Variants in RHOJ observed in about 807,000 individuals in gnomAD.
The protein encoded by RHOJ is ras homolog family member J, also known as rho-related GTP-binding protein RhoJ.
RHOJ carries 11 observed loss-of-function variants against 23.4 expected under a neutral mutation model. The observed-to-expected ratio is 0.47, with a 90% CI of 0.30 to 0.78. The LOEUF is 0.78. Ranked by LOEUF, RHOJ falls within the 30% of genes least tolerant of loss-of-function variation. RHOJ has a pLI of 0.08. For synonymous variants in RHOJ, 102 were observed against 102.7 expected, an observed-to-expected ratio of 0.99 and a Z score of 0.04; for missense variants, 254 against 273.4, an observed-to-expected ratio of 0.93 and a Z score of 0.50.
intron 1 of RHOJ, among the ~76,000 whole-genome samples, chr14:63,225,778 T>G (rs1465284936): frequency 6.6e-6 from 1 of 152,202 alleles, no homozygotes; most frequent in East Asian, 1.9e-4. Flanking sequence ...AATATACTTT[T>G]TTTTGAAGGC....
intron 1 of RHOJ, among the ~76,000 whole-genome samples, chr14:63,247,244 C>T (rs77933286): frequency 2.0e-5 from 3 of 152,280 alleles, no homozygotes; most frequent in East Asian, 1.9e-4. Context: ...GCTCTTTTGA[C>T]CCTCAACAAG....
chr14:63,230,791 C>T (rs1221983883), intron 1 of RHOJ, among the ~76,000 whole-genome samples: 1 of 149,038 alleles, frequency 6.7e-6, no homozygotes, highest in Non-Finnish European at 1.5e-5. Flanking sequence ...AATTCCTGCA[C>T]TCAATAAATA....
chr14:63,254,528 A>G (rs1895128722), intron 1 of RHOJ, among the ~76,000 whole-genome samples: 1 of 152,186 alleles, frequency 6.6e-6, no homozygotes, highest in African/African-American at 2.4e-5. Context: ...TGGGCCTTAG[A>G]GGCTTCTCTT....
At chr14:63,232,694 CTT>C (rs373918863) in intron 1 of RHOJ, among the ~76,000 whole-genome samples, 127 of 115,602 alleles carry the variant, frequency 1.1e-3, no homozygotes, top group African/African-American at 3.5e-3. Context: ...TTTTTCTTGC[CTT>C]TTTTTTTTTT....
At chr14:63,245,357 T>C (rs1466969517) in intron 1 of RHOJ, among the ~76,000 whole-genome samples, 1 of 151,804 alleles carries the variant, frequency 6.6e-6, no homozygotes, top group Admixed American at 6.6e-5. Flanking sequence ...ATTTAAAAAA[T>C]TCTCTTGGCC....
chr14:63,255,666 T>A (rs2139644623), intron 1 of RHOJ, among the ~76,000 whole-genome samples: 1 of 146,272 alleles, frequency 6.8e-6, no homozygotes, highest in Non-Finnish European at 1.5e-5. Context: ...CTTGCCGCCC[T>A]GTCTCACACT....
intron 1 of RHOJ, among the ~76,000 whole-genome samples, chr14:63,249,954 C>T (rs941494781): frequency 6.6e-6 from 1 of 152,158 alleles, no homozygotes; most frequent in Admixed American, 6.5e-5. Context: ...AATTTAAATG[C>T]TGTAGCCAGT....
At chr14:63,219,641 C>A (rs1291663758) in intron 1 of RHOJ, among the ~76,000 whole-genome samples, 3 of 152,030 alleles carry the variant, frequency 2.0e-5, no homozygotes, top group Non-Finnish European at 4.4e-5. Flanking sequence ...CATGGTGAAA[C>A]CCTGTCTCTA....
chr14:63,228,413 T>C (rs1375156373), intron 1 of RHOJ, among the ~76,000 whole-genome samples: 3 of 152,188 alleles, frequency 2.0e-5, no homozygotes, highest in African/African-American at 7.2e-5. Context: ...GCAGCGTTGT[T>C]TGTAATAGCA....
At chr14:63,262,523 C>G (rs1895290392) in intron 1 of RHOJ, among the ~76,000 whole-genome samples, 1 of 152,188 alleles carries the variant, frequency 6.6e-6, no homozygotes, top group Non-Finnish European at 1.5e-5. Context: ...GAGCCATTAG[C>G]AGGTCATTTG....
chr14:63,250,964 G>A (rs1417566130), intron 1 of RHOJ, among the ~76,000 whole-genome samples: 2 of 152,174 alleles, frequency 1.3e-5, no homozygotes, highest in African/African-American at 4.8e-5. Context: ...GAACCTGAGA[G>A]GGAGTGGCTG....
chr14:63,219,814 CAAAA>C (rs35915504), intron 1 of RHOJ, among the ~76,000 whole-genome samples: 5 of 129,696 alleles, frequency 3.9e-5, no homozygotes, highest in Admixed American at 7.6e-5. Flanking sequence ...GATTGCATCT[CAAAA>C]AAAAAAAAAA....
chr14:63,280,895 C>A, intron 2 of RHOJ, 76 bp from the exon 3 acceptor site: 1 of 1,417,070 alleles, frequency 7.1e-7, no homozygotes, highest in Non-Finnish European at 9.6e-7. Flanking sequence ...TGGACTCTTA[C>A]CTGAAATCTG....
chr14:63,285,061 CTT>C (rs1243245509), intron 4 of RHOJ, among the ~76,000 whole-genome samples: 211 of 152,308 alleles, frequency 1.4e-3, no homozygotes, highest in African/African-American at 4.9e-3. Context: ...TATAGAGATG[CTT>C]TAAGTTTCTC....
rs116352412 is a variant in RHOJ, at chr14:63,247,511, G to T, written c.179-21599G>T. On this transcript the variant is annotated intron_variant, in intron 1 of 4. Transcript: ENST00000316754. ...AAGAAACTATAATCTTAGAAGAAAT[G>T]ATGGACATTTTCATTGTAAATTCTC... is the stretch of plus-strand genomic sequence containing the variant. 8.4e-3 allele frequency among the ~76,000 whole-genome samples: 1,274 copies of T among 152,218 alleles called. 14 individuals carry two copies. The highest frequency in any genetic ancestry group is 0.029 in the African/African-American group (1,215 of 41,522).
chr14:63,280,805 G>T (rs1320497389), intron 2 of RHOJ, among the ~76,000 whole-genome samples, 166 bp from the exon 3 acceptor site: 7 of 152,302 alleles, frequency 4.6e-5, no homozygotes, highest in African/African-American at 1.7e-4. Context: ...TTTTCTGACT[G>T]ATGGCTCCTT....
At chr14:63,227,243 C>T (rs533875024) in intron 1 of RHOJ, among the ~76,000 whole-genome samples, 145 of 152,218 alleles carry the variant, frequency 9.5e-4, no homozygotes, top group Non-Finnish European at 1.7e-3. Flanking sequence ...TGAGCCACCG[C>T]GCCCAGCCGA....
chr14:63,233,744 T>C (rs1894738006), intron 1 of RHOJ, among the ~76,000 whole-genome samples: 1 of 152,192 alleles, frequency 6.6e-6, no homozygotes, highest in Admixed American at 6.5e-5. Context: ...TGGACCATTA[T>C]ACAGTAACAG....
chr14:63,230,683 A>C (rs557717201), intron 1 of RHOJ, among the ~76,000 whole-genome samples: 1 of 129,116 alleles, frequency 7.7e-6, no homozygotes, highest in African/African-American at 3.8e-5. Flanking sequence ...TACATTGCAC[A>C]CACATATGTA....
Sources: allele counts gnomAD v4.1 joint callset (sites outside exome capture counted in the v4.1 genomes callset), GRCh38; gene constraint gnomAD v4.1.1; transcripts MANE v1.5; gene names NCBI Gene and HGNC (gene_info 2026-07-23, HGNC 2026-07-21).